DNAJB6: variants seen among roughly 807,000 people sequenced by gnomAD.
DNAJB6 encodes DnaJ heat shock protein family (Hsp40) member B6.
DNAJB6 carries 16 observed loss-of-function variants against 42.7 expected under a neutral mutation model. That is an observed-to-expected ratio of 0.37 (90% CI 0.25 to 0.57). The LOEUF (loss-of-function observed/expected upper bound fraction) is 0.57. DNAJB6 is among the 20% of genes least tolerant of loss of function. DNAJB6 has a pLI of 0.74. For missense variants in DNAJB6, 347 were observed against 416.8 expected (o/e 0.83, Z 1.46); for synonymous variants, 170 against 163.5 (o/e 1.04, Z -0.30).
intron 1 of DNAJB6, among the ~76,000 whole-genome samples, chr7:157,353,127 C>T (rs1472027556): frequency 4.6e-5 from 7 of 151,414 alleles, no homozygotes; most frequent in African/African-American, 1.5e-4. Context: ...AGGGTTTCGC[C>T]GTGTTGCCAA....
rs749057178 is a variant in DNAJB6 at position 157,385,517 on chromosome 7, T to C, written c.621-24T>C. On this transcript the variant is annotated intron_variant, in intron 7 of 9. Coordinates refer to ENST00000262177, the MANE Select transcript of DNAJB6 (RefSeq NM_058246.4). ...ATGCATTTTCTTTACCAGAAAGGTT[T>C]TTAAATGAATTTTTTTCCTACAGAA... The C allele has an allele frequency of 2.5e-6, 4 of 1,608,852 alleles. No homozygotes were observed. In the East Asian group the frequency reaches 8.9e-5, roughly 36 times the overall value.
chr7:157,395,510 A>C (rs576494429), intron 8 of DNAJB6, among the ~76,000 whole-genome samples: 1 of 152,276 alleles, frequency 6.6e-6, no homozygotes, highest in African/African-American at 2.4e-5. Context: ...TGGGTGGTGT[A>C]TGCCTTCTTA....
At chr7:157,392,255 T>G (rs1801382925) in intron 8 of DNAJB6, among the ~76,000 whole-genome samples, 1 of 152,156 alleles carries the variant, frequency 6.6e-6, no homozygotes, top group Non-Finnish European at 1.5e-5. Flanking sequence ...AAGCATCTTG[T>G]GTCACCTGCG....
chr7:157,359,197 C>T (rs1469414107), intron 2 of DNAJB6, among the ~76,000 whole-genome samples: 1 of 152,150 alleles, frequency 6.6e-6, no homozygotes. Flanking sequence ...GTAGAGTATA[C>T]AGCAAAGACG....
chr7:157,387,307 A>C (rs1022250857), intron 8 of DNAJB6, among the ~76,000 whole-genome samples: 9 of 152,228 alleles, frequency 5.9e-5, no homozygotes, highest in African/African-American at 2.2e-4. Flanking sequence ...GAAATAACCC[A>C]GCACGCGGCA....
rs192739465 is a variant in DNAJB6 at position 157,367,028 on chromosome 7, G to A, written c.236-345G>A. Among the ~76,000 whole-genome samples the A allele has an allele frequency of 3.6e-3, 550 of 152,316 alleles. 3 individuals carry two copies. The highest frequency in any genetic ancestry group is 0.012 in the African/African-American group (514 of 41,566). On this transcript the variant is annotated intron_variant, in intron 4 of 9. Coordinates refer to ENST00000262177, the MANE Select transcript of DNAJB6 (RefSeq NM_058246.4). Reference sequence around the variant, plus strand: ...CACGCGGCAGCTTCTGTGGCTCCAGGAGGCCAGTCGTCGAAGTGGATGCAG... The same window carrying A: ...CACGCGGCAGCTTCTGTGGCTCCAGAAGGCCAGTCGTCGAAGTGGATGCAG...
chr7:157,408,825 A>G (rs565888633), intron 8 of DNAJB6, among the ~76,000 whole-genome samples: 4 of 152,334 alleles, frequency 2.6e-5, no homozygotes, highest in Non-Finnish European at 4.4e-5. Flanking sequence ...AGCGAGGAGG[A>G]TGGGGCCGCC....
chr7:157,380,448 T>A (rs936132758), intron 5 of DNAJB6: 3 of 152,192 alleles, frequency 2.0e-5, no homozygotes, highest in African/African-American at 7.2e-5. Flanking sequence ...GACGGTAAGG[T>A]CTGTTTGCAA....
intron 8 of DNAJB6, chr7:157,385,906 C>T: frequency 2.0e-6 from 2 of 1,005,726 alleles, no homozygotes; most frequent in Non-Finnish European, 2.6e-6. Context: ...ATTAAACGTA[C>T]TCCAAGGTGA....
intron 5 of DNAJB6, chr7:157,381,777 G>GTGTGTGTGTGTGTGTGTGTGT (rs1563136627): frequency 1.3e-5 from 1 of 77,046 alleles, no homozygotes; most frequent in African/African-American, 4.1e-5. Context: ...TGTGTGTGTG[G>GTGTGTGTGTGTGTGTGTGTGT]GCGCGCGCAT....
At chr7:157,364,592 CAG>C (rs1305599686) in intron 3 of DNAJB6, among the ~76,000 whole-genome samples, 21 of 152,118 alleles carry the variant, frequency 1.4e-4, no homozygotes, top group Admixed American at 6.6e-4. Context: ...CTGGGAGTGA[CAG>C]AGGAGGGCAC....
At chr7:157,398,836 G>T (rs562711683) in intron 8 of DNAJB6, among the ~76,000 whole-genome samples, 1 of 152,352 alleles carries the variant, frequency 6.6e-6, no homozygotes, top group Admixed American at 6.5e-5. Flanking sequence ...TCTATGGGCT[G>T]TAGAATTAGA....
At position 157,388,027 on chromosome 7, in the gene DNAJB6, G is replaced by A. The variant is rs148338039; in HGVS notation, c.691+2416G>A. ...CACTCAGCTAATTTTTGTATTTTTA[G>A]TAGAGATGGGATTTCACCATGTTGT... On this transcript the variant is annotated intron_variant, in intron 8 of 9. Transcript: ENST00000262177. 1.1e-3 allele frequency among the ~76,000 whole-genome samples: 170 copies of A among 152,192 alleles called. 1 individual carries two copies. Among genetic ancestry groups the A allele is most frequent in the African/African-American group, 3.8e-3 (159 of 41,534 alleles).
chr7:157,398,914 TTAAACAATTAG>T (rs1240668345), intron 8 of DNAJB6, among the ~76,000 whole-genome samples: 1 of 152,212 alleles, frequency 6.6e-6, no homozygotes, highest in Non-Finnish European at 1.5e-5. Context: ...CTAAAATTGT[TTAAACAATTAG>T]TGGTAAATTT....
chr7:157,351,150 T>A (rs912397452), intron 1 of DNAJB6, among the ~76,000 whole-genome samples: 2 of 151,966 alleles, frequency 1.3e-5, no homozygotes, highest in Non-Finnish European at 2.9e-5. Flanking sequence ...GTCAGGCTGG[T>A]CTCGAACTCT....
At position 157,350,264 on chromosome 7, in the gene DNAJB6, G is replaced by A. The variant is rs1367016926; in HGVS notation, c.-26-8283G>A. ...AGCTTGCTCAGAGGGGAGGGACCAG[G>A]TAGGTCAGGGTTTCTCAGGAGGAAC... On this transcript the variant is annotated intron_variant, in intron 1 of 9. Transcript: ENST00000262177. Among the ~76,000 whole-genome samples the A allele has an allele frequency of 3.3e-5, 5 of 152,308 alleles. 1 individual carries two copies. The highest frequency in any genetic ancestry group is 1.5e-5 in the Non-Finnish European group (1 of 68,026).
chr7:157,412,895 C>G (rs1218898947), intron 9 of DNAJB6: 1 of 152,224 alleles, frequency 6.6e-6, no homozygotes, highest in African/African-American at 2.4e-5. Context: ...TGAGCTCTCA[C>G]TTGAGATGCA....
chr7:157,367,214 C>G (rs758517144), intron 4 of DNAJB6, among the ~76,000 whole-genome samples, 159 bp from the exon 5 acceptor site: 100 of 152,218 alleles, frequency 6.6e-4, no homozygotes, highest in Non-Finnish European at 1.3e-3. Context: ...CACTCTCTGT[C>G]AGTACAGGGC....
intron 8 of DNAJB6, among the ~76,000 whole-genome samples, chr7:157,403,092 C>T (rs187650183): frequency 3.9e-5 from 6 of 152,272 alleles, no homozygotes; most frequent in South Asian, 4.1e-4. Context: ...ATGTACGTTC[C>T]GGAAAGGTGG....
Sources: gnomAD v4.1 joint callset for allele counts (sites outside exome capture counted in the v4.1 genomes callset) on GRCh38, gnomAD v4.1.1 for gene constraint, MANE v1.5 for transcripts, NCBI Gene and HGNC (gene_info 2026-07-23, HGNC 2026-07-21) for gene names.